The following WWOX variants were observed in gnomAD, a reference collection of about 807,000 sequenced individuals.
The protein encoded by WWOX is WW domain-containing oxidoreductase.
A neutral mutation model predicts 46.2 loss-of-function variants in WWOX; 69 were observed. That is an observed-to-expected ratio of 1.49 (90% confidence interval 1.23 to 1.82). The LOEUF is 1.82. WWOX is among the 40% of genes most tolerant of loss of function. WWOX has a pLI of 0.00. For synonymous variants in WWOX, 359 were observed against 202.6 expected (o/e 1.77, Z -6.56); for missense variants, 919 against 542.6 (o/e 1.69, Z -6.89).
intron 8 of WWOX, among the ~76,000 whole-genome samples, chr16:78,588,775 G>C (rs536197912): frequency 9.7e-4 from 147 of 152,250 alleles, no homozygotes; most frequent in Middle Eastern, 6.8e-3. Flanking sequence ...CAAACACTTA[G>C]CATATGCTTT....
Position 79,211,945 on chromosome 16 carries a change from T to TAAGTA in WWOX, c.*150_*154dup, listed in dbSNP as rs776549067. On this transcript the variant is annotated 3_prime_UTR_variant, in exon 9 of 9. Coordinates refer to ENST00000566780, the MANE Select transcript of WWOX (RefSeq NM_016373.4). Reference sequence around the variant, plus strand: ...GCAGTCACAACAGAGTGAAAAATCTTAAGTACCAATGGGAAGCAGGGAATT... The same window carrying TAAGTA: ...GCAGTCACAACAGAGTGAAAAATCTTAAGTAAAGTACCAATGGGAAGCAGGGAATT... The TAAGTA allele has an allele frequency of 4.2e-5, 64 of 1,537,080 alleles. No individual in the cohort carries two copies. Among genetic ancestry groups the TAAGTA allele is most frequent in the Non-Finnish European group, 5.3e-5 (61 of 1,147,034 alleles).
At position 78,144,471 on chromosome 16, in the gene WWOX, A is replaced by ATATATATG. The variant is rs1567596392; in HGVS notation, c.410-19705_410-19704insGTATATAT. 5.1e-4 allele frequency among the ~76,000 whole-genome samples: 17 copies of ATATATATG among 33,584 alleles called. 1 individual carries two copies. Among genetic ancestry groups the ATATATATG allele is most frequent in the East Asian group, 1.6e-3 (2 of 1,230 alleles). The allele number at this position is 33,584 out of a possible 152,430, so 22.0% of individuals were successfully genotyped here. ...TACACATATATATATATACACACAT[A>ATATATATG]TATATATATATATATACACACACAC... is the stretch of plus-strand genomic sequence containing the variant. On this transcript the variant is annotated intron_variant, in intron 4 of 8. Coordinates refer to ENST00000566780, the MANE Select transcript of WWOX (RefSeq NM_016373.4).
chr16:78,346,971 T>C lies in WWOX; in HGVS notation c.517-39889T>C, dbSNP rs913409478. Among the ~76,000 whole-genome samples the C allele has an allele frequency of 2.5e-5, 3 of 119,740 alleles. 1 individual carries two copies. The highest frequency in any genetic ancestry group is 2.5e-4 in the Admixed American group (3 of 12,226). The allele number at this position is 119,740 out of a possible 152,430, so 78.6% of individuals were successfully genotyped here. ...AACTCCTGACCTCAGGTGATCTGCC[T>C]GCCTCGGCCTCCCAAAGTGCTGGGA... On this transcript the variant is annotated intron_variant, in intron 5 of 8. Transcript: ENST00000566780.
intron 8 of WWOX, among the ~76,000 whole-genome samples, chr16:79,032,188 C>G (rs1039288372): frequency 6.9e-6 from 1 of 144,722 alleles, no homozygotes; most frequent in Non-Finnish European, 1.5e-5. Context: ...ATTGCCCCCA[C>G]CAAATATTTA....
At chr16:78,732,200 C>G (rs2048986409) in intron 8 of WWOX, among the ~76,000 whole-genome samples, 2 of 152,042 alleles carry the variant, frequency 1.3e-5, no homozygotes, top group Admixed American at 6.5e-5. Flanking sequence ...TTACTTATTA[C>G]TATGTAGAAT....
intron 8 of WWOX, among the ~76,000 whole-genome samples, chr16:78,857,783 G>C (rs1283426047): frequency 6.6e-6 from 1 of 152,166 alleles, no homozygotes; most frequent in Non-Finnish European, 1.5e-5. Flanking sequence ...CTTTACAGGA[G>C]AAAAGAACAT....
At chr16:79,169,802 C>T (rs552283580) in intron 8 of WWOX, among the ~76,000 whole-genome samples, 5 of 152,278 alleles carry the variant, frequency 3.3e-5, no homozygotes, top group South Asian at 2.1e-4. Flanking sequence ...CCTCCCCAGA[C>T]GTTTTTCCTG....
intron 8 of WWOX, among the ~76,000 whole-genome samples, chr16:79,094,618 A>C (rs2049032645): frequency 6.6e-6 from 1 of 151,382 alleles, no homozygotes; most frequent in East Asian, 1.9e-4. Context: ...CGTTTCAAAA[A>C]CCCATCTCAG....
chr16:78,874,810 T>G (rs2044203093), intron 8 of WWOX, among the ~76,000 whole-genome samples: 1 of 149,922 alleles, frequency 6.7e-6, no homozygotes, highest in Admixed American at 6.8e-5. Flanking sequence ...TAGGAGTATA[T>G]TTGGCCAAGA....
At chr16:78,959,878 A>G (rs1238118874) in intron 8 of WWOX, among the ~76,000 whole-genome samples, 2 of 152,178 alleles carry the variant, frequency 1.3e-5, no homozygotes, top group Non-Finnish European at 2.9e-5. Context: ...AGTCTGATTT[A>G]ATTGGATAAG....
chr16:78,738,996 G>T (rs2049152979), intron 8 of WWOX, among the ~76,000 whole-genome samples: 1 of 152,268 alleles, frequency 6.6e-6, no homozygotes, highest in South Asian at 2.1e-4. Flanking sequence ...GTAGGTGATA[G>T]GATAGAATTC....
rs576228211 is a variant in WWOX at position 78,359,816 on chromosome 16, A to C, written c.517-27044A>C. Among the ~76,000 whole-genome samples, 4 of 152,350 alleles carry C rather than the reference A, an allele frequency of 2.6e-5. No homozygotes were observed. The East Asian group carries it at 7.7e-4, about 29-fold the overall frequency. ...CATGATGCCATTCCCATCTGGGATG[A>C]ACAGGGAAGACTTCCTGGGAGAGGT... On this transcript the variant is annotated intron_variant, in intron 5 of 8. Coordinates refer to ENST00000566780, the MANE Select transcript of WWOX (RefSeq NM_016373.4).
At chr16:79,170,297 A>G (rs2050675308) in intron 8 of WWOX, among the ~76,000 whole-genome samples, 1 of 152,226 alleles carries the variant, frequency 6.6e-6, no homozygotes, top group Non-Finnish European at 1.5e-5. Context: ...TTGAGGAAAT[A>G]GAGGATCAGA....
At chr16:78,868,502 A>G (rs965978590) in intron 8 of WWOX, among the ~76,000 whole-genome samples, 1 of 152,174 alleles carries the variant, frequency 6.6e-6, no homozygotes, top group Non-Finnish European at 1.5e-5. Context: ...TATATTTACA[A>G]TGGTTAAATC....
chr16:78,816,719 A>C lies in WWOX; in HGVS notation c.1056+383967A>C, dbSNP rs760411280. Among the ~76,000 whole-genome samples, 5 of 152,150 alleles carry C rather than the reference A, an allele frequency of 3.3e-5. No individual in the cohort carries two copies. In the South Asian group the frequency reaches 1.0e-3, roughly 32 times the overall value. ...ACTTTAAAATGTAGAGTATCATCTA[A>C]AAATGAGCAATTGCTGTGAAGAAAC... is the stretch of plus-strand genomic sequence containing the variant. On this transcript the variant is annotated intron_variant, in intron 8 of 8. Coordinates refer to ENST00000566780, the MANE Select transcript of WWOX (RefSeq NM_016373.4).
intron 8 of WWOX, among the ~76,000 whole-genome samples, chr16:78,750,610 A>G (rs560145860): frequency 3.9e-5 from 6 of 152,198 alleles, no homozygotes; most frequent in South Asian, 2.1e-4. Context: ...ATAGTACTCA[A>G]TAGGTAGTTT....
At chr16:78,738,778 C>T (rs2049148036) in intron 8 of WWOX, among the ~76,000 whole-genome samples, 1 of 152,106 alleles carries the variant, frequency 6.6e-6, no homozygotes, top group South Asian at 2.1e-4. Context: ...GGCTGTGCAA[C>T]CCTAGAGCCA....
chr16:78,332,153 T>C (rs563931137), intron 5 of WWOX, among the ~76,000 whole-genome samples: 3 of 152,274 alleles, frequency 2.0e-5, no homozygotes, highest in Admixed American at 2.0e-4. Context: ...CCCACCTACA[T>C]CCTGGGTTAT....
intron 8 of WWOX, among the ~76,000 whole-genome samples, chr16:78,596,707 G>C (rs1332027183): frequency 1.3e-5 from 2 of 152,128 alleles, no homozygotes; most frequent in Non-Finnish European, 2.9e-5. Flanking sequence ...AGGTAAGCCG[G>C]GCCTAGTAGA....
Sources: gnomAD v4.1 joint callset for allele counts (sites outside exome capture counted in the v4.1 genomes callset) on GRCh38, gnomAD v4.1.1 for gene constraint, MANE v1.5 for transcripts, NCBI Gene and HGNC (gene_info 2026-07-23, HGNC 2026-07-21) for gene names.